Variants in OSBP2 observed in about 807,000 individuals in gnomAD.
The protein encoded by OSBP2 is oxysterol-binding protein 2.
A neutral mutation model predicts 96.0 loss-of-function variants in OSBP2; 66 were observed. The observed-to-expected ratio is 0.69, with a 90% confidence interval of 0.56 to 0.84. The LOEUF is 0.84. Among genes scored for constraint, OSBP2 ranks in the 40% least tolerant of loss-of-function variants. OSBP2 has a pLI of 0.00. For synonymous variants in OSBP2, 525 were observed against 520.9 expected, an observed-to-expected ratio of 1.01 and a Z score of -0.11; for missense variants, 1,038 against 1,222.7, an observed-to-expected ratio of 0.85 and a Z score of 2.25.
intron 2 of OSBP2, among the ~76,000 whole-genome samples, chr22:30,752,476 T>C (rs1171882934): frequency 6.6e-6 from 1 of 151,674 alleles, no homozygotes; most frequent in Non-Finnish European, 1.5e-5. Context: ...TTTTTTGTAT[T>C]TTTAGTAGAG....
intron 2 of OSBP2, among the ~76,000 whole-genome samples, chr22:30,851,767 C>T (rs2038982600): frequency 6.6e-6 from 1 of 152,070 alleles, no homozygotes; most frequent in Admixed American, 6.5e-5. Flanking sequence ...AACTTTTCAT[C>T]ATTAAGTATG....
intron 3 of OSBP2, among the ~76,000 whole-genome samples, chr22:30,880,108 C>T (rs568439881): frequency 6.6e-6 from 1 of 152,234 alleles, no homozygotes; most frequent in East Asian, 1.9e-4. Context: ...AGGCAAGATC[C>T]TGTTACTCCA....
At chr22:30,792,875 C>T (rs1417327316) in intron 2 of OSBP2, among the ~76,000 whole-genome samples, 3 of 152,160 alleles carry the variant, frequency 2.0e-5, no homozygotes, top group Non-Finnish European at 4.4e-5. Context: ...TTAATAATCA[C>T]CACTATGTGT....
At chr22:30,827,228 T>C (rs2038423629) in intron 2 of OSBP2, among the ~76,000 whole-genome samples, 1 of 151,350 alleles carries the variant, frequency 6.6e-6, no homozygotes, top group Non-Finnish European at 1.5e-5. Context: ...AAGTGGGGAG[T>C]TGTGAGGGCA....
chr22:30,744,426 C>A (rs1352571642), intron 2 of OSBP2, among the ~76,000 whole-genome samples: 1 of 152,112 alleles, frequency 6.6e-6, no homozygotes, highest in African/African-American at 2.4e-5. Flanking sequence ...GAACTGAGAA[C>A]CCTGTCTCAT....
In OSBP2 at chr22:30,881,949, CT is replaced by C; in HGVS notation, c.1108-5473del. On this transcript the variant is annotated intron_variant, in intron 3 of 13. Transcript: ENST00000332585. The surrounding 1 kb of genome is among the most constrained non-coding windows in gnomAD (Gnocchi z 4.5). The stretch of plus-strand genomic sequence containing the variant: ...GCACAGCAGTTTTCACCCTGCCCCG[CT>C]TTTAGGTGACTGTGACACTCTACGA... 1 of 626,222 alleles carries C rather than the reference CT, an allele frequency of 1.6e-6. No individual in the cohort carries two copies. The highest frequency in any genetic ancestry group is 2.4e-6 in the Non-Finnish European group (1 of 410,548). The allele number at this position is 626,222 out of a possible 1,614,324, so 38.8% of individuals were successfully genotyped here.
At chr22:30,826,903 C>G (rs982812276) in intron 2 of OSBP2, among the ~76,000 whole-genome samples, 1 of 152,234 alleles carries the variant, frequency 6.6e-6, no homozygotes, top group Non-Finnish European at 1.5e-5. Context: ...CCCACCCTTT[C>G]CATTCTGGTC....
intron 2 of OSBP2, among the ~76,000 whole-genome samples, chr22:30,782,311 T>C (rs1251071575): frequency 6.6e-6 from 1 of 152,210 alleles, no homozygotes; most frequent in African/African-American, 2.4e-5. Flanking sequence ...CTCAGCCCCT[T>C]CCACCTCCTG....
At chr22:30,748,725 C>T (rs2090037937) in intron 2 of OSBP2, among the ~76,000 whole-genome samples, 1 of 152,236 alleles carries the variant, frequency 6.6e-6, no homozygotes, top group Non-Finnish European at 1.5e-5. Context: ...AGGCAAGTCA[C>T]AGAGTGAAGT....
At chr22:30,808,029 A>G (rs937950355) in intron 2 of OSBP2, among the ~76,000 whole-genome samples, 2 of 152,012 alleles carry the variant, frequency 1.3e-5, no homozygotes, top group African/African-American at 4.8e-5. Flanking sequence ...GGCTCAAGCG[A>G]TCCTCCTGCC....
At chr22:30,738,114 A>G (rs1602196546) in intron 1 of OSBP2, among the ~76,000 whole-genome samples, 1 of 139,200 alleles carries the variant, frequency 7.2e-6, no homozygotes, top group African/African-American at 2.7e-5. Flanking sequence ...ATGCTTACCC[A>G]CCTGCCTGAT....
intron 1 of OSBP2, among the ~76,000 whole-genome samples, chr22:30,721,335 T>A (rs1238666440): frequency 7.9e-5 from 12 of 152,194 alleles, no homozygotes. Flanking sequence ...TACTGGGTGC[T>A]ATGGGGGCCC....
intron 1 of OSBP2, among the ~76,000 whole-genome samples, chr22:30,697,423 T>C (rs1319633667): frequency 2.6e-5 from 4 of 152,048 alleles, no homozygotes; most frequent in Non-Finnish European, 5.9e-5. Context: ...GGATTACAGG[T>C]GTGCGCCACC....
chr22:30,801,726 G>A (rs1243951983), intron 2 of OSBP2, among the ~76,000 whole-genome samples: 2 of 152,300 alleles, frequency 1.3e-5, no homozygotes, highest in East Asian at 3.9e-4. Flanking sequence ...TAATCTCAGT[G>A]CTTTGGGGAG....
intron 2 of OSBP2, among the ~76,000 whole-genome samples, chr22:30,868,489 G>A (rs546294778): frequency 6.6e-6 from 1 of 152,366 alleles, no homozygotes; most frequent in South Asian, 2.1e-4. Context: ...GCCTTGCCAG[G>A]GTAGGGACTG....
chr22:30,741,947 G>A (rs920800933), intron 2 of OSBP2, among the ~76,000 whole-genome samples: 1 of 151,884 alleles, frequency 6.6e-6, no homozygotes, highest in Non-Finnish European at 1.5e-5. Flanking sequence ...AGCCTCCCAA[G>A]TAGCTGGGAT....
chr22:30,741,373 G>T lies in OSBP2; in HGVS notation c.853+4G>T. 1 of 1,603,080 alleles carries T rather than the reference G, an allele frequency of 6.2e-7. No individual in the cohort carries two copies. The highest frequency in any genetic ancestry group is 2.2e-5 in the East Asian group (1 of 44,752). ...CGCGTGATGAACACTCATTCAGGTAGTGAGCACTTGGGACAGCGGGTGTGT... is the reference window on the plus strand; with the variant it reads ...CGCGTGATGAACACTCATTCAGGTATTGAGCACTTGGGACAGCGGGTGTGT... On this transcript the variant is annotated splice_donor_region_variant and intron_variant, in intron 2 of 13. Coordinates refer to ENST00000332585, the MANE Select transcript of OSBP2 (RefSeq NM_030758.4).
chr22:30,803,600 G>GAA (rs1249459955), intron 2 of OSBP2, among the ~76,000 whole-genome samples: 1 of 152,224 alleles, frequency 6.6e-6, no homozygotes, highest in Non-Finnish European at 1.5e-5. Flanking sequence ...TTTAGCAGGG[G>GAA]AAGGCAAGCT....
chr22:30,826,966 C>T (rs1268430765), intron 2 of OSBP2, among the ~76,000 whole-genome samples: 2 of 152,270 alleles, frequency 1.3e-5, no homozygotes, highest in East Asian at 3.9e-4. Context: ...CAGTGGGTCT[C>T]TTAGGTGAAC....
Sources: gnomAD v4.1 joint callset for allele counts (sites outside exome capture counted in the v4.1 genomes callset) on GRCh38, gnomAD v4.1.1 for gene constraint, Gnocchi (gnomAD v3.1) non-coding constraint, MANE v1.5 for transcripts, NCBI Gene and HGNC (gene_info 2026-07-23, HGNC 2026-07-21) for gene names.